Variants in DIP2C observed in about 807,000 individuals in gnomAD.
DIP2C encodes the protein DIP2 acetate--CoA ligase C (putative).
Under a neutral mutation model 192.4 loss-of-function variants are expected in DIP2C, and 33 were observed. The observed-to-expected ratio is 0.17, with a 90% CI of 0.13 to 0.23. The LOEUF is 0.23. Ranked by LOEUF, DIP2C falls within the 10% of genes least tolerant of loss-of-function variation. The pLI is 1.00. For synonymous variants in DIP2C, 979 were observed against 864.1 expected, an observed-to-expected ratio of 1.13 and a Z score of -2.33; for missense variants, 1,537 against 2,110.1, an observed-to-expected ratio of 0.73 and a Z score of 5.32.
intron 3 of DIP2C, among the ~76,000 whole-genome samples, chr10:459,580 A>G (rs771862162): frequency 1.4e-5 from 2 of 145,638 alleles, no homozygotes; most frequent in African/African-American, 2.7e-5. Context: ...AGGGAACCAC[A>G]TGCTGCACGT....
At chr10:288,860 G>A (rs1185590590) in intron 32 of DIP2C, among the ~76,000 whole-genome samples, 1 of 152,256 alleles carries the variant, frequency 6.6e-6, no homozygotes, top group Non-Finnish European at 1.5e-5. Flanking sequence ...AAGACAGCGC[G>A]TGCATCGCAG....
At chr10:383,877 A>G in intron 16 of DIP2C, 150 bp downstream of exon 16, 3 of 1,140,226 alleles carry the variant, frequency 2.6e-6, no homozygotes, top group African/African-American at 1.6e-5. Flanking sequence ...CTTTACTAAG[A>G]TAAGGATTAG....
chr10:560,025 C>G (rs1378637973), intron 1 of DIP2C, among the ~76,000 whole-genome samples: 1 of 149,058 alleles, frequency 6.7e-6, no homozygotes. Flanking sequence ...CTCCCCACCC[C>G]CTCCGGTTCT....
chr10:543,721 C>T (rs959781395), intron 1 of DIP2C, among the ~76,000 whole-genome samples: 1 of 152,200 alleles, frequency 6.6e-6, no homozygotes, highest in Non-Finnish European at 1.5e-5. Context: ...ATATCAACAC[C>T]AAATAAGTTC....
At chr10:530,969 C>T (rs1403392615) in intron 1 of DIP2C, among the ~76,000 whole-genome samples, 3 of 152,292 alleles carry the variant, frequency 2.0e-5, no homozygotes, top group South Asian at 2.1e-4. Context: ...AGACACCCCA[C>T]CCTGGGACCC....
chr10:382,793 C>T (rs763565912), intron 16 of DIP2C, 32 bp from the exon 17 acceptor site: 5 of 1,463,448 alleles, frequency 3.4e-6, no homozygotes. Context: ...GATCAGACAG[C>T]TGAAGCACTG....
intron 1 of DIP2C, among the ~76,000 whole-genome samples, chr10:623,257 G>C (rs976629059): frequency 6.6e-6 from 1 of 151,134 alleles, no homozygotes; most frequent in Non-Finnish European, 1.5e-5. Context: ...TCACAGGAAC[G>C]GGCGCAGGCA....
chr10:390,664 C>A lies in DIP2C; in HGVS notation c.1384+76G>T, dbSNP rs941934733. 10 of 1,553,410 alleles carry A rather than the reference C, an allele frequency of 6.4e-6. No individual in the cohort carries two copies. In the Middle Eastern group the frequency reaches 5.8e-4, roughly 91 times the overall value. On this transcript the variant is annotated intron_variant, in intron 11 of 36. Coordinates refer to ENST00000280886, the MANE Select transcript of DIP2C (RefSeq NM_014974.3). ...ATTCCACAGAGGATTGAAACCGAGG[C>A]GGGGTGACGTATTCCCGCACCCGTC...
At chr10:306,062 TGAGA>T (rs1956308252) in intron 32 of DIP2C, among the ~76,000 whole-genome samples, 1 of 151,922 alleles carries the variant, frequency 6.6e-6, no homozygotes. Context: ...TGGAAGTCAT[TGAGA>T]GACTTATGAT....
intron 29 of DIP2C, among the ~76,000 whole-genome samples, 187 bp from the exon 30 acceptor site, chr10:329,788 A>G (rs569240879): frequency 2.0e-5 from 3 of 152,348 alleles, no homozygotes; most frequent in African/African-American, 7.2e-5. Context: ...AAGCCTTCTG[A>G]AAAGCAAATA....
intron 5 of DIP2C, among the ~76,000 whole-genome samples, chr10:419,462 T>G (rs1966027273): frequency 6.6e-6 from 1 of 152,226 alleles, no homozygotes; most frequent in South Asian, 2.1e-4. Flanking sequence ...AGCAGCATTT[T>G]AACTAGAATA....
chr10:428,385 G>A (rs955055693), intron 4 of DIP2C, among the ~76,000 whole-genome samples: 11 of 152,042 alleles, frequency 7.2e-5, no homozygotes, highest in East Asian at 1.9e-4. Context: ...TGAATGTGTC[G>A]TTTCATCCGT....
chr10:528,503 G>A (rs1054299183), intron 1 of DIP2C, among the ~76,000 whole-genome samples: 2 of 152,160 alleles, frequency 1.3e-5, no homozygotes, highest in African/African-American at 4.8e-5. Flanking sequence ...CCATAGTGGT[G>A]GATATCCCGG....
chr10:685,340 C>T (rs921816885), intron 1 of DIP2C, among the ~76,000 whole-genome samples: 1 of 151,888 alleles, frequency 6.6e-6, no homozygotes, highest in Non-Finnish European at 1.5e-5. Context: ...CATAACTGCT[C>T]GCTGAAGGAA....
In DIP2C at chr10:379,922, GGCA is replaced by G. The variant is rs1218349544; in HGVS notation, c.1991+2722_1991+2724del. Among the ~76,000 whole-genome samples, 24 of 136,124 alleles carry G rather than the reference GGCA, an allele frequency of 1.8e-4. No homozygotes were observed. In the South Asian group the frequency reaches 5.4e-3, roughly 30 times the overall value. 89.3% of individuals were successfully genotyped at this position (136,124 alleles called of 152,430 possible). On this transcript the variant is annotated intron_variant, in intron 17 of 36. Transcript: ENST00000280886. ...GGCTGTCCCTGGATGATGGTTAACA[GGCA>G]GAAAAGGCTGTCCCTGGAAGATGGT...
At chr10:608,792 G>A (rs1852859848) in intron 1 of DIP2C, among the ~76,000 whole-genome samples, 2 of 143,018 alleles carry the variant, frequency 1.4e-5, no homozygotes, top group Admixed American at 7.0e-5. Flanking sequence ...CCTAATGGGG[G>A]ATAAACCTCT....
intron 11 of DIP2C, 83 bp downstream of exon 11, chr10:390,657 A>G: frequency 6.5e-7 from 1 of 1,549,562 alleles, no homozygotes; most frequent in Non-Finnish European, 8.7e-7. Context: ...GAGGATTGAA[A>G]CCGAGGCGGG....
rs1284148253 is a variant in DIP2C at position 537,804 on chromosome 10, T to TC, written c.86-51275dup. Among the ~76,000 whole-genome samples, 7 of 141,574 alleles carry TC rather than the reference T, an allele frequency of 4.9e-5. No individual in the cohort carries two copies. In the East Asian group the frequency reaches 6.0e-4, roughly 12 times the overall value. The allele number at this position is 141,574 out of a possible 152,430, so 92.9% of individuals were successfully genotyped here. On this transcript the variant is annotated intron_variant, in intron 1 of 36. Coordinates refer to ENST00000280886, the MANE Select transcript of DIP2C (RefSeq NM_014974.3). ...TCTTTCGTCTGCGAATTTTTTTTTT[T>TC]CCCCCGAGACCGAGTCTCGCTCTGT...
intron 31 of DIP2C, among the ~76,000 whole-genome samples, chr10:311,041 T>C (rs1478554855): frequency 2.0e-5 from 3 of 149,810 alleles, no homozygotes; most frequent in Non-Finnish European, 4.4e-5. Context: ...AAAAAGACAA[T>C]GTCATGAAAA....
Sources: gnomAD v4.1 joint callset for allele counts (sites outside exome capture counted in the v4.1 genomes callset) on GRCh38, gnomAD v4.1.1 for gene constraint, MANE v1.5 for transcripts, NCBI Gene and HGNC (gene_info 2026-07-23, HGNC 2026-07-21) for gene names.